Variants in BCL2L1 observed in about 807,000 individuals in gnomAD.
BCL2L1 encodes the protein BCL2 like 1, also known as bcl-2-like protein 1.
Under a neutral mutation model 18.7 loss-of-function variants are expected in BCL2L1, and 1 was observed. The ratio of observed to expected loss-of-function variants is 0.05; its 90% CI spans 0.02 to 0.25. The LOEUF (loss-of-function observed/expected upper bound fraction) is 0.25. Ranked by LOEUF, BCL2L1 falls within the 10% of genes least tolerant of loss-of-function variation. The probability of loss-of-function intolerance (pLI) is 1.00; values close to 1 mark genes in which losing one functional copy is unlikely to be tolerated. For synonymous variants in BCL2L1, 103 were observed against 122.7 expected (o/e 0.84, Z 1.06); for missense variants, 207 against 304.9 (o/e 0.68, Z 2.39).
chr20:31,668,234 G>A (rs2060615256), intron 2 of BCL2L1, among the ~76,000 whole-genome samples: 1 of 151,902 alleles, frequency 6.6e-6, no homozygotes, highest in South Asian at 2.1e-4. Flanking sequence ...CCTCCTAGGG[G>A]AGGCCTTCCC....
chr20:31,720,225 G>C (rs2061600833), intron 2 of BCL2L1: 1 of 914,828 alleles, frequency 1.1e-6, no homozygotes, highest in African/African-American at 1.8e-5. Context: ...CAAAATGAGA[G>C]AGGGGGTGGG....
At chr20:31,697,892 G>GTTTTTTTTTGTTTGTTTGTTT (rs1555871506) in intron 2 of BCL2L1, among the ~76,000 whole-genome samples, 1 of 129,652 alleles carries the variant, frequency 7.7e-6, no homozygotes, top group African/African-American at 3.3e-5. Context: ...TGCTGTTGCT[G>GTTTTTTTTTGTTTGTTTGTTT]TTTTTTTTTT....
intron 2 of BCL2L1, among the ~76,000 whole-genome samples, chr20:31,707,643 T>G (rs2061388635): frequency 6.6e-6 from 1 of 151,864 alleles, no homozygotes; most frequent in Non-Finnish European, 1.5e-5. Context: ...CTGGGCGTGG[T>G]GGCGCATGCC....
intron 2 of BCL2L1, among the ~76,000 whole-genome samples, chr20:31,706,553 C>T (rs532733522): frequency 6.6e-6 from 1 of 152,346 alleles, no homozygotes; most frequent in African/African-American, 2.4e-5. Flanking sequence ...TAGTTTTTAT[C>T]CTCAGTAAGC....
intron 2 of BCL2L1, chr20:31,713,551 A>G: frequency 2.0e-6 from 2 of 985,360 alleles, no homozygotes; most frequent in Non-Finnish European, 2.4e-6. Flanking sequence ...AGGCTGCCCA[A>G]AAAGCTGTGT....
intron 2 of BCL2L1, among the ~76,000 whole-genome samples, chr20:31,679,599 A>G (rs762335218): frequency 3.3e-5 from 5 of 152,188 alleles, no homozygotes; most frequent in Non-Finnish European, 5.9e-5. Flanking sequence ...CTAGCAGCAG[A>G]GTTCAATGGT....
chr20:31,691,520 A>C (rs1331349276), intron 2 of BCL2L1, among the ~76,000 whole-genome samples: 1 of 144,560 alleles, frequency 6.9e-6, no homozygotes, highest in African/African-American at 2.6e-5. Flanking sequence ...TCTCAAAATA[A>C]AAAATAAAAT....
chr20:31,700,654 C>G (rs1186630540), intron 2 of BCL2L1, among the ~76,000 whole-genome samples: 1 of 152,222 alleles, frequency 6.6e-6, no homozygotes, highest in Non-Finnish European at 1.5e-5. Context: ...CTTTTCTCCG[C>G]TTTGTGGTAA....
chr20:31,700,868 A>G (rs2061267262), intron 2 of BCL2L1, among the ~76,000 whole-genome samples: 1 of 152,220 alleles, frequency 6.6e-6, no homozygotes, highest in South Asian at 2.1e-4. Flanking sequence ...TCCTTGAAAC[A>G]AAGTTAGCTA....
At chr20:31,678,287 G>C (rs1440646750) in intron 2 of BCL2L1, among the ~76,000 whole-genome samples, 1 of 152,176 alleles carries the variant, frequency 6.6e-6, no homozygotes, top group Non-Finnish European at 1.5e-5. Context: ...GGATGCTGTG[G>C]GGAAGAGAGT....
At chr20:31,666,325 G>GT (rs1436896253) in intron 2 of BCL2L1, among the ~76,000 whole-genome samples, 5 of 152,264 alleles carry the variant, frequency 3.3e-5, no homozygotes, top group African/African-American at 9.6e-5. Flanking sequence ...CCTGTCTGAG[G>GT]TAAGTCAAGA....
chr20:31,721,422 A>G, intron 2 of BCL2L1: 1 of 546,124 alleles, frequency 1.8e-6, no homozygotes, highest in Non-Finnish European at 3.2e-6. Flanking sequence ...AGTATGGAAT[A>G]GTGGAGTCAT....
intron 2 of BCL2L1, chr20:31,713,371 G>A: frequency 1.0e-6 from 1 of 985,318 alleles, no homozygotes; most frequent in Non-Finnish European, 1.2e-6. Context: ...GGAAAGGCAG[G>A]GACACGTCCA....
At chr20:31,674,260 T>C (rs779125413) in intron 2 of BCL2L1, among the ~76,000 whole-genome samples, 5 of 152,176 alleles carry the variant, frequency 3.3e-5, no homozygotes, top group Non-Finnish European at 5.9e-5. Flanking sequence ...CTCTTCTTGG[T>C]TTTTTTGTAG....
At chr20:31,688,946 A>AC (rs1294583743) in intron 2 of BCL2L1, among the ~76,000 whole-genome samples, 1 of 152,100 alleles carries the variant, frequency 6.6e-6, no homozygotes, top group Non-Finnish European at 1.5e-5. Context: ...AATCAACCAC[A>AC]CTAGGGTTGC....
At chr20:31,687,121 C>T (rs1456633763) in intron 2 of BCL2L1, among the ~76,000 whole-genome samples, 4 of 151,906 alleles carry the variant, frequency 2.6e-5, no homozygotes, top group Non-Finnish European at 2.9e-5. Flanking sequence ...AGTTTGAGAC[C>T]AACCTGGTCA....
chr20:31,689,974 C>T (rs1246487303), intron 2 of BCL2L1, among the ~76,000 whole-genome samples: 1 of 152,164 alleles, frequency 6.6e-6, no homozygotes, highest in Non-Finnish European at 1.5e-5. Context: ...CTGGAGATCG[C>T]GCTATTGCAC....
At chr20:31,720,940 C>T in intron 2 of BCL2L1, 5 of 985,426 alleles carry the variant, frequency 5.1e-6, no homozygotes, top group Non-Finnish European at 6.0e-6. Flanking sequence ...GGTGCAAAGT[C>T]CCCTGGCTTA....
intron 2 of BCL2L1, among the ~76,000 whole-genome samples, chr20:31,677,266 C>G (rs2060780253): frequency 6.6e-6 from 1 of 151,046 alleles, no homozygotes; most frequent in Non-Finnish European, 1.5e-5. Flanking sequence ...ACTGCAACCT[C>G]TGCCTCCCAC....
Sources: gnomAD v4.1 joint callset for allele counts (sites outside exome capture counted in the v4.1 genomes callset) on GRCh38, gnomAD v4.1.1 for gene constraint, MANE v1.5 for transcripts, NCBI Gene and HGNC (gene_info 2026-07-23, HGNC 2026-07-21) for gene names.